Variants in STK4 observed in about 807,000 individuals in gnomAD.
STK4 encodes serine/threonine-protein kinase 4.
A neutral mutation model predicts 64.9 loss-of-function variants in STK4; 30 were observed. That is an observed-to-expected ratio of 0.46 (90% CI 0.35 to 0.63). The LOEUF (loss-of-function observed/expected upper bound fraction) is 0.63, where lower values mean the gene tolerates loss of function less well. STK4 is among the 20% of genes least tolerant of loss of function. The probability of loss-of-function intolerance (pLI) is 0.01; values close to 1 mark genes in which losing one functional copy is unlikely to be tolerated. For synonymous variants in STK4, 177 were observed against 199.0 expected (o/e 0.89, Z 0.93); for missense variants, 466 against 598.5 (o/e 0.78, Z 2.31).
intron 10 of STK4, among the ~76,000 whole-genome samples, chr20:45,057,297 A>G (rs1978570489): frequency 6.6e-6 from 1 of 152,204 alleles, no homozygotes; most frequent in South Asian, 2.1e-4. Context: ...TCTTCAGAGA[A>G]ATGATTATCA....
chr20:44,979,902 C>G (rs2067407402), intron 3 of STK4, among the ~76,000 whole-genome samples: 1 of 152,016 alleles, frequency 6.6e-6, no homozygotes, highest in South Asian at 2.1e-4. Flanking sequence ...GAAGTTCTTT[C>G]CATTTGGCAA....
intron 9 of STK4, among the ~76,000 whole-genome samples, chr20:45,009,733 A>G (rs980887246): frequency 2.0e-5 from 3 of 152,098 alleles, no homozygotes; most frequent in African/African-American, 4.8e-5. Flanking sequence ...TAGTTCTCCT[A>G]GAGATCCTTC....
At chr20:45,022,455 A>C (rs1336749075) in intron 9 of STK4, among the ~76,000 whole-genome samples, 1 of 152,196 alleles carries the variant, frequency 6.6e-6, no homozygotes, top group Non-Finnish European at 1.5e-5. Context: ...AGAAATTTTT[A>C]AGTGGGTTGG....
At chr20:44,983,702 G>GT (rs1312011442) in intron 4 of STK4, among the ~76,000 whole-genome samples, 3 of 152,038 alleles carry the variant, frequency 2.0e-5, no homozygotes, top group African/African-American at 7.2e-5. Flanking sequence ...TTAGCCTGTG[G>GT]TTTTTTTGTC....
chr20:44,997,443 G>A (rs1281169192), intron 7 of STK4, 137 bp downstream of exon 7: 8 of 1,122,570 alleles, frequency 7.1e-6, no homozygotes, highest in Non-Finnish European at 7.4e-6. Flanking sequence ...TGTAATCGTA[G>A]CACTTTGGGA....
intron 10 of STK4, among the ~76,000 whole-genome samples, chr20:45,029,669 G>A (rs566650092): frequency 6.6e-6 from 1 of 152,150 alleles, no homozygotes. Context: ...CTGTTAGAAA[G>A]GCAGTTATTC....
intron 10 of STK4, among the ~76,000 whole-genome samples, chr20:45,030,072 G>A (rs2068416688): frequency 6.6e-6 from 1 of 151,030 alleles, no homozygotes. Flanking sequence ...CGAAGGATAT[G>A]TGTCAGACTT....
chr20:45,022,945 A>G (rs2068274667), intron 9 of STK4, among the ~76,000 whole-genome samples: 1 of 152,250 alleles, frequency 6.6e-6, no homozygotes, highest in Non-Finnish European at 1.5e-5. Flanking sequence ...GGTGCGTGAT[A>G]TATGCAGCTT....
chr20:44,988,463 C>G (rs2145668597), intron 5 of STK4, among the ~76,000 whole-genome samples: 1 of 147,222 alleles, frequency 6.8e-6, no homozygotes, highest in South Asian at 2.1e-4. Flanking sequence ...GCCTGGGCAA[C>G]AGAGTGAGAC....
Position 45,000,228 on chromosome 20 carries a change from T to A in STK4, c.832-164T>A, listed in dbSNP as rs527686411. Among the ~76,000 whole-genome samples the A allele has an allele frequency of 5.3e-5, 8 of 152,202 alleles. No homozygotes were observed. In the East Asian group the frequency reaches 1.2e-3, roughly 22 times the overall value. On this transcript the variant is annotated intron_variant, in intron 7 of 10. Transcript: ENST00000372806. ...AAGACTGAATTTGCTCTACTCAGAGTTATAAAGCGAGTGTGGTTTAGCTGT... is the reference window on the plus strand; with the variant it reads ...AAGACTGAATTTGCTCTACTCAGAGATATAAAGCGAGTGTGGTTTAGCTGT...
chr20:45,065,306 A>G (rs1239630274), intron 10 of STK4, among the ~76,000 whole-genome samples: 1 of 152,118 alleles, frequency 6.6e-6, no homozygotes, highest in East Asian at 1.9e-4. Context: ...AGACTACTTG[A>G]TAGTGGTGGA....
chr20:44,996,151 G>T (rs969552138), intron 6 of STK4, among the ~76,000 whole-genome samples: 1 of 151,780 alleles, frequency 6.6e-6, no homozygotes, highest in African/African-American at 2.4e-5. Context: ...GTAAGTTTTG[G>T]TTTGTAGATC....
rs1978409128 is a variant in STK4, at chr20:45,055,684, T to TA, written c.1306-19332dup. On this transcript the variant is annotated intron_variant, in intron 10 of 10. Transcript: ENST00000372806. ...TCTTCACTTGGACAATTCAGCTTAC[T>TA]AATTTTTAATTATCTTTCTTTTCTT... Among the ~76,000 whole-genome samples, 5 of 152,056 alleles carry TA rather than the reference T, an allele frequency of 3.3e-5. No individual in the cohort carries two copies. In the South Asian group the frequency reaches 1.0e-3, roughly 32 times the overall value.
At chr20:45,047,445 T>C (rs529007039) in intron 10 of STK4, among the ~76,000 whole-genome samples, 1 of 152,362 alleles carries the variant, frequency 6.6e-6, no homozygotes, top group East Asian at 1.9e-4. Context: ...CTCTAACATG[T>C]GCAGCCCTTA....
intron 6 of STK4, 32 bp downstream of exon 6, chr20:44,995,289 G>A: frequency 1.3e-6 from 2 of 1,585,464 alleles, no homozygotes; most frequent in Admixed American, 1.8e-5. Context: ...CAGTGGGGTG[G>A]TTAGTTACTG....
intron 10 of STK4, among the ~76,000 whole-genome samples, chr20:45,036,702 ATTG>A (rs771413760): frequency 3.3e-4 from 50 of 152,270 alleles, no homozygotes; most frequent in Non-Finnish European, 5.1e-4. Context: ...CCATCCGCGA[ATTG>A]TTGTTGTAAT....
rs60332680 is a variant in STK4 at position 44,970,889 on chromosome 20, T to TTGTGTG, written c.36-1171_36-1166dup. On this transcript the variant is annotated intron_variant, in intron 1 of 10. Coordinates refer to ENST00000372806, the MANE Select transcript of STK4 (RefSeq NM_006282.5). ...CTGTTTTATTTAGGAAGGTACACAT[T>TTGTGTG]TGTGTGTGTGTGTGTGTGTGTGTAT... is the stretch of plus-strand genomic sequence containing the variant. 1.1e-3 allele frequency among the ~76,000 whole-genome samples: 169 copies of TTGTGTG among 148,146 alleles called. 3 individuals carry two copies. Among genetic ancestry groups the TTGTGTG allele is most frequent in the African/African-American group, 4.7e-4 (19 of 40,292 alleles).
intron 10 of STK4, among the ~76,000 whole-genome samples, chr20:45,066,698 G>T (rs1168377817): frequency 3.3e-5 from 5 of 152,196 alleles, no homozygotes; most frequent in African/African-American, 9.7e-5. Flanking sequence ...AACCTAAAAT[G>T]GGATTGAGGC....
rs545349842 is a variant in STK4, at chr20:45,016,807, A to G, written c.1148-8166A>G. 1.1e-4 allele frequency among the ~76,000 whole-genome samples: 17 copies of G among 152,374 alleles called. No individual in the cohort carries two copies. The South Asian group carries it at 3.3e-3, about 30-fold the overall frequency. ...GGAAATACATTTTTCAAGAGAGGGC[A>G]GTAGCATAATGGTAATGAAGAACAT... On this transcript the variant is annotated intron_variant, in intron 9 of 10. Coordinates refer to ENST00000372806, the MANE Select transcript of STK4 (RefSeq NM_006282.5).
Sources: allele counts gnomAD v4.1 joint callset (sites outside exome capture counted in the v4.1 genomes callset), GRCh38; gene constraint gnomAD v4.1.1; transcripts MANE v1.5; gene names NCBI Gene and HGNC (gene_info 2026-07-23, HGNC 2026-07-21).